The following TBC1D19 variants were observed in gnomAD, a reference collection of about 807,000 sequenced individuals.
TBC1D19 encodes TBC1 domain family member 19.
Under a neutral mutation model 89.0 loss-of-function variants are expected in TBC1D19, and 60 were observed. That is an observed-to-expected ratio of 0.67 (90% CI 0.55 to 0.84). TBC1D19 has a LOEUF of 0.84. Ranked by LOEUF, TBC1D19 falls within the 40% of genes least tolerant of loss-of-function variation. TBC1D19 has a pLI of 0.00. For synonymous variants in TBC1D19, 189 were observed against 199.7 expected, an observed-to-expected ratio of 0.95 and a Z score of 0.45; for missense variants, 500 against 610.8, an observed-to-expected ratio of 0.82 and a Z score of 1.91.
the TBC1D19 span, among the ~76,000 whole-genome samples, chr4:26,804,110 G>A: frequency 4.0e-5 from 6 of 151,002 alleles, no homozygotes; most frequent in East Asian, 9.7e-4. Flanking sequence ...AAAAGCCGCT[G>A]AGTCTGTGTT....
chr4:26,840,923 C>T, the TBC1D19 span, among the ~76,000 whole-genome samples: 2 of 152,140 alleles, frequency 1.3e-5, no homozygotes, highest in African/African-American at 4.8e-5. Flanking sequence ...CAACCTTCCC[C>T]GACCCAGGTC....
intron 16 of TBC1D19, 75 bp downstream of exon 16, chr4:26,735,562 T>G (rs1717994984): frequency 3.9e-6 from 5 of 1,296,452 alleles, no homozygotes; most frequent in Non-Finnish European, 5.2e-6. Flanking sequence ...AAATAATGAC[T>G]GACAGATATA....
the TBC1D19 span, among the ~76,000 whole-genome samples, chr4:26,845,459 C>A: frequency 6.6e-6 from 1 of 152,094 alleles, no homozygotes. Context: ...CAATGTTTGG[C>A]AACTATCACT....
chr4:26,694,954 A>G (rs139968940), intron 13 of TBC1D19, among the ~76,000 whole-genome samples: 2,316 of 152,332 alleles, frequency 0.015, 53 homozygotes, highest in African/African-American at 0.051. Context: ...AAAACAGAGC[A>G]GAAAAGCTGA....
At chr4:26,681,531 A>G (rs1022978376) in intron 11 of TBC1D19, among the ~76,000 whole-genome samples, 2 of 152,088 alleles carry the variant, frequency 1.3e-5, no homozygotes, top group Non-Finnish European at 2.9e-5. Flanking sequence ...AGCCTGGGCG[A>G]CAGAGTGAGA....
chr4:26,658,406 G>A (rs1560452933), intron 7 of TBC1D19, among the ~76,000 whole-genome samples: 1 of 152,156 alleles, frequency 6.6e-6, no homozygotes, highest in Admixed American at 6.5e-5. Flanking sequence ...TAGATGTGTG[G>A]TGTTGTTTTG....
the TBC1D19 span, among the ~76,000 whole-genome samples, chr4:26,762,092 C>A: frequency 1.3e-5 from 2 of 152,090 alleles, no homozygotes; most frequent in Admixed American, 1.3e-4. Flanking sequence ...GCCGAGGTTG[C>A]ACCACCGCAC....
chr4:26,811,411 G>A, the TBC1D19 span, among the ~76,000 whole-genome samples: 30 of 152,334 alleles, frequency 2.0e-4, no homozygotes, highest in Admixed American at 3.9e-4. Flanking sequence ...TTACTGACTC[G>A]TGAAAGAAGT....
chr4:26,836,192 C>T, the TBC1D19 span, among the ~76,000 whole-genome samples: 1 of 152,204 alleles, frequency 6.6e-6, no homozygotes, highest in African/African-American at 2.4e-5. Context: ...CATCAAGCTA[C>T]ATTGTAATTG....
chr4:26,838,040 A>G, the TBC1D19 span, among the ~76,000 whole-genome samples: 3 of 152,222 alleles, frequency 2.0e-5, no homozygotes, highest in Non-Finnish European at 1.5e-5. Flanking sequence ...GACAGAATCT[A>G]TATTTCTTGT....
chr4:26,688,758 A>C (rs1019403251), intron 13 of TBC1D19, among the ~76,000 whole-genome samples: 1 of 152,038 alleles, frequency 6.6e-6, no homozygotes, highest in East Asian at 1.9e-4. Context: ...TATACTTTTA[A>C]AATTAAAGAT....
intron 11 of TBC1D19, among the ~76,000 whole-genome samples, chr4:26,680,941 A>G (rs1029677367): frequency 1.3e-5 from 2 of 152,188 alleles, no homozygotes; most frequent in Non-Finnish European, 2.9e-5. Context: ...CAAGTCACCT[A>G]TTCCCTAATG....
chr4:26,841,194 T>C, the TBC1D19 span, among the ~76,000 whole-genome samples: 1 of 152,084 alleles, frequency 6.6e-6, no homozygotes, highest in Non-Finnish European at 1.5e-5. Context: ...CTGGCCAACA[T>C]GGAGAAACCA....
At chr4:26,792,279 T>G in the TBC1D19 span, among the ~76,000 whole-genome samples, 1 of 152,116 alleles carries the variant, frequency 6.6e-6, no homozygotes, top group East Asian at 1.9e-4. Flanking sequence ...AAGAAGAGGT[T>G]TATACATTCT....
chr4:26,765,967 C>G, the TBC1D19 span, among the ~76,000 whole-genome samples: 8 of 152,114 alleles, frequency 5.3e-5, no homozygotes, highest in African/African-American at 1.7e-4. Context: ...CGATACACAA[C>G]TTAATTTGCA....
chr4:26,770,671 C>G, the TBC1D19 span, among the ~76,000 whole-genome samples: 2 of 152,156 alleles, frequency 1.3e-5, no homozygotes, highest in Admixed American at 6.5e-5. Flanking sequence ...ACATTAATCT[C>G]AAGTGCAGAC....
At chr4:26,661,661 G>A (rs193209500) in intron 8 of TBC1D19, among the ~76,000 whole-genome samples, 4 of 152,102 alleles carry the variant, frequency 2.6e-5, no homozygotes, top group Admixed American at 2.0e-4. Context: ...GGCATTTCAG[G>A]TTCTGATTTA....
At chr4:26,701,339 G>A (rs1185781912) in intron 13 of TBC1D19, among the ~76,000 whole-genome samples, 1 of 152,048 alleles carries the variant, frequency 6.6e-6, no homozygotes, top group Non-Finnish European at 1.5e-5. Flanking sequence ...CAAAGTGATG[G>A]CTATCTAATA....
chr4:26,610,295 C>T (rs1322738581), intron 1 of TBC1D19, among the ~76,000 whole-genome samples: 1 of 151,834 alleles, frequency 6.6e-6, no homozygotes, highest in Non-Finnish European at 1.5e-5. Flanking sequence ...TTTGTAATGA[C>T]CACCCTATAA....
Sources: allele counts gnomAD v4.1 joint callset (sites outside exome capture counted in the v4.1 genomes callset), GRCh38; gene constraint gnomAD v4.1.1; transcripts MANE v1.5; gene names NCBI Gene and HGNC (gene_info 2026-07-23, HGNC 2026-07-21).